EGFLAM: variants seen among roughly 807,000 people sequenced by gnomAD.
EGFLAM encodes pikachurin.
Under a neutral mutation model 113.1 loss-of-function variants are expected in EGFLAM, and 79 were observed. That is an observed-to-expected ratio of 0.70 (90% CI 0.58 to 0.84). The LOEUF (loss-of-function observed/expected upper bound fraction) is 0.84, where lower values mean the gene tolerates loss of function less well. Ranked by LOEUF, EGFLAM falls within the 40% of genes least tolerant of loss-of-function variation. The pLI is 0.00. For missense variants in EGFLAM, 1,265 were observed against 1,291.6 expected, an observed-to-expected ratio of 0.98 and a Z score of 0.32; for synonymous variants, 504 against 487.6, an observed-to-expected ratio of 1.03 and a Z score of -0.44.
At chr5:38,407,207 C>T (rs1415205574) in intron 8 of EGFLAM, 61 bp downstream of exon 8, 86 of 1,563,300 alleles carry the variant, frequency 5.5e-5, no homozygotes, top group Non-Finnish European at 7.2e-5. Flanking sequence ...AGCCAGAGGG[C>T]AGTTTTGTGG....
intron 1 of EGFLAM, among the ~76,000 whole-genome samples, chr5:38,268,380 G>A (rs1757683805): frequency 6.8e-6 from 1 of 146,738 alleles, no homozygotes; most frequent in African/African-American, 2.6e-5. Flanking sequence ...GACCTCCAGG[G>A]TGGGAGGTAA....
At chr5:38,406,780 T>G (rs1240165433) in intron 7 of EGFLAM, 48 bp from the exon 8 acceptor site, 1 of 1,545,674 alleles carries the variant, frequency 6.5e-7, no homozygotes. Context: ...ACAGTCCAAT[T>G]GCCATGCTCT....
At chr5:38,452,386 C>T (rs1338958142) in intron 19 of EGFLAM, among the ~76,000 whole-genome samples, 1 of 152,162 alleles carries the variant, frequency 6.6e-6, no homozygotes, top group African/African-American at 2.4e-5. Flanking sequence ...CAATGGCACA[C>T]TTGAGTAGCT....
intron 10 of EGFLAM, among the ~76,000 whole-genome samples, chr5:38,410,093 C>T (rs1031051852): frequency 8.5e-5 from 13 of 152,186 alleles, no homozygotes; most frequent in Non-Finnish European, 1.9e-4. Flanking sequence ...TGAGTTAATT[C>T]ATAAAAGCGC....
intron 17 of EGFLAM, 137 bp downstream of exon 17, chr5:38,438,592 T>A (rs1742436002): frequency 3.6e-6 from 3 of 833,960 alleles, no homozygotes; most frequent in Non-Finnish European, 5.1e-6. Context: ...ATTATTTCAA[T>A]AACTTATTAG....
intron 6 of EGFLAM, chr5:38,403,908 G>T: frequency 6.2e-7 from 1 of 1,613,730 alleles, no homozygotes; most frequent in Admixed American, 1.7e-5. Flanking sequence ...ATCTGGCATC[G>T]ACAGGTTGAA....
chr5:38,326,179 G>C (rs1738875009), intron 1 of EGFLAM, among the ~76,000 whole-genome samples: 1 of 152,140 alleles, frequency 6.6e-6, no homozygotes, highest in Admixed American at 6.5e-5. Context: ...CCACCTTCCT[G>C]TGAGGGCCAG....
intron 1 of EGFLAM, among the ~76,000 whole-genome samples, chr5:38,261,062 T>C (rs1354323841): frequency 6.6e-6 from 1 of 152,206 alleles, no homozygotes; most frequent in African/African-American, 2.4e-5. Context: ...TGACCCTCCC[T>C]ATCTCCTCAT....
At chr5:38,280,925 G>T (rs895427128) in intron 1 of EGFLAM, among the ~76,000 whole-genome samples, 1 of 152,160 alleles carries the variant, frequency 6.6e-6, no homozygotes, top group African/African-American at 2.4e-5. Context: ...GCTGAAGGAT[G>T]CCTGCTGTAA....
chr5:38,337,581 C>G lies in EGFLAM; in HGVS notation c.159C>G (p.Ile53Met). 2 of 1,607,260 alleles carry G rather than the reference C, an allele frequency of 1.2e-6. No individual in the cohort carries two copies. Among genetic ancestry groups the G allele is most frequent in the Non-Finnish European group, 1.7e-6 (2 of 1,176,370 alleles). ...CATTGAACTGTACGGCTTTCAGCAT[C>G]CAGTGGAAAATGCCAAGGCATCCTG... ...LGALNCTAFSIQWKMPRHPGS... is the reference protein window; with the variant it reads ...LGALNCTAFSMQWKMPRHPGS... Residue 53 changes from isoleucine (I) to methionine (M), a missense_variant, in exon 2 of 22, where the codon ATC becomes ATG. Physicochemically the swap from Ile to Met is conservative, Grantham distance 10 (BLOSUM62 1). Transcript: ENST00000322350.
Position 38,438,309 on chromosome 5 carries a change from A to G in EGFLAM, c.2318A>G (p.His773Arg), listed in dbSNP as rs1266891669. ...ILNDRTIHVK[H>R]DFTSGVNVEN... Reference sequence around the variant, plus strand: ...AATGACCGAACCATCCATGTGAAGCATGACTTCACCTCCGGAGTGAATGTG... The same window carrying G: ...AATGACCGAACCATCCATGTGAAGCGTGACTTCACCTCCGGAGTGAATGTG... Residue 773 changes from histidine (H) to arginine (R), a missense_variant, in exon 17 of 22, where the codon CAT becomes CGT. Coordinates refer to ENST00000322350, the MANE Select transcript of EGFLAM (RefSeq NM_152403.4). The G allele has an allele frequency of 4.3e-6, 7 of 1,613,944 alleles. No individual in the cohort carries two copies. Among genetic ancestry groups the G allele is most frequent in the Non-Finnish European group, 1.7e-6 (2 of 1,179,874 alleles).
chr5:38,343,764 A>G (rs1739404966), intron 3 of EGFLAM, among the ~76,000 whole-genome samples: 2 of 152,208 alleles, frequency 1.3e-5, no homozygotes, highest in African/African-American at 4.8e-5. Context: ...CCCAACTGCC[A>G]CTAAGGCAAC....
intron 1 of EGFLAM, among the ~76,000 whole-genome samples, chr5:38,276,560 A>G (rs1757891488): frequency 6.6e-6 from 1 of 152,158 alleles, no homozygotes; most frequent in Admixed American, 6.5e-5. Flanking sequence ...TTAGTGGAAG[A>G]GAATAATAAA....
intron 6 of EGFLAM, among the ~76,000 whole-genome samples, chr5:38,387,149 A>G (rs770767916): frequency 6.6e-6 from 1 of 152,168 alleles, no homozygotes. Flanking sequence ...GAATAGCCAC[A>G]GATATTGTCC....
chr5:38,328,120 G>T (rs955001988), intron 1 of EGFLAM, among the ~76,000 whole-genome samples: 2 of 152,156 alleles, frequency 1.3e-5, no homozygotes, highest in Admixed American at 6.5e-5. Flanking sequence ...GGTTCTGCAG[G>T]CTGTGCAAGA....
chr5:38,445,622 G>C, intron 17 of EGFLAM: 2 of 1,598,432 alleles, frequency 1.3e-6, no homozygotes, highest in Non-Finnish European at 1.7e-6. Context: ...ATTGGGATTT[G>C]ACAAGGACTG....
chr5:38,282,402 T>C (rs931305903), intron 1 of EGFLAM: 1 of 152,228 alleles, frequency 6.6e-6, no homozygotes. Flanking sequence ...GGAGAAACTC[T>C]AGAACATGGT....
intron 6 of EGFLAM, among the ~76,000 whole-genome samples, chr5:38,387,753 T>C (rs1740702617): frequency 6.6e-6 from 1 of 152,274 alleles, no homozygotes; most frequent in Admixed American, 6.5e-5. Flanking sequence ...CAGTTACTCT[T>C]GCTTGTATTT....
intron 3 of EGFLAM, among the ~76,000 whole-genome samples, chr5:38,339,811 G>T (rs1739290061): frequency 6.6e-6 from 1 of 152,138 alleles, no homozygotes; most frequent in Non-Finnish European, 1.5e-5. Context: ...CACATTTCCA[G>T]CTTGCTTTTA....
Sources: allele counts gnomAD v4.1 joint callset (sites outside exome capture counted in the v4.1 genomes callset), GRCh38; gene constraint gnomAD v4.1.1; transcripts MANE v1.5; gene names NCBI Gene and HGNC (gene_info 2026-07-23, HGNC 2026-07-21).